The following FBXO15 variants were observed in gnomAD, a reference collection of about 807,000 sequenced individuals.
FBXO15 encodes F-box only protein 15.
Under a neutral mutation model 49.5 loss-of-function variants are expected in FBXO15, and 30 were observed. That is an observed-to-expected ratio of 0.61 (90% CI 0.45 to 0.82). The LOEUF (loss-of-function observed/expected upper bound fraction) is 0.82. FBXO15 is among the 40% of genes least tolerant of loss of function. The pLI, the probability that FBXO15 is intolerant of heterozygous loss-of-function variation, is 0.00. For synonymous variants in FBXO15, 250 were observed against 232.7 expected (o/e 1.07, Z -0.68); for missense variants, 591 against 631.5 (o/e 0.94, Z 0.69).
intron 4 of FBXO15, 43 bp downstream of exon 4, chr18:74,130,373 T>G: frequency 1.9e-6 from 3 of 1,610,350 alleles, no homozygotes; most frequent in Non-Finnish European, 2.5e-6. Flanking sequence ...TACACGATAC[T>G]TTGAGCTGAT....
chr18:74,139,745 T>A (rs1038780040), intron 2 of FBXO15, among the ~76,000 whole-genome samples: 4 of 152,206 alleles, frequency 2.6e-5, no homozygotes, highest in Admixed American at 2.6e-4. Flanking sequence ...CTTCTGAGCA[T>A]CAATTAAACA....
intron 8 of FBXO15, among the ~76,000 whole-genome samples, chr18:74,092,066 T>G (rs1271971643): frequency 1.3e-5 from 2 of 152,142 alleles, no homozygotes; most frequent in Non-Finnish European, 2.9e-5. Flanking sequence ...TTGGAGATTT[T>G]TTTCATTCTT....
intron 8 of FBXO15, 163 bp downstream of exon 8, chr18:74,123,205 A>G: frequency 1.4e-6 from 1 of 693,874 alleles, no homozygotes; most frequent in Non-Finnish European, 2.4e-6. Context: ...CGGTCCAGTG[A>G]GGACTTTCAC....
At chr18:74,107,158 T>C (rs1445770649) in intron 8 of FBXO15, among the ~76,000 whole-genome samples, 2 of 150,646 alleles carry the variant, frequency 1.3e-5, no homozygotes, top group African/African-American at 2.5e-5. Context: ...TTGAAAATAA[T>C]TAAATATATT....
chr18:74,136,942 T>A (rs1978762732), intron 2 of FBXO15, among the ~76,000 whole-genome samples: 1 of 152,224 alleles, frequency 6.6e-6, no homozygotes. Context: ...ATTGTTATGA[T>A]TTTAAATTTG....
intron 8 of FBXO15, among the ~76,000 whole-genome samples, chr18:74,116,605 C>A (rs1301960494): frequency 6.6e-6 from 1 of 152,202 alleles, no homozygotes; most frequent in Admixed American, 6.5e-5. Flanking sequence ...AGTAACCTGT[C>A]TGGACACTGC....
intron 2 of FBXO15, among the ~76,000 whole-genome samples, chr18:74,136,701 T>C (rs1978746592): frequency 6.6e-6 from 1 of 152,190 alleles, no homozygotes; most frequent in African/African-American, 2.4e-5. Context: ...CCTATTTCTA[T>C]GATCTCAGAA....
intron 8 of FBXO15, among the ~76,000 whole-genome samples, chr18:74,091,970 T>C (rs1021469821): frequency 1.3e-5 from 2 of 152,224 alleles, no homozygotes; most frequent in Non-Finnish European, 2.9e-5. Context: ...TATCATAAAA[T>C]ATGTTTTTCA....
At chr18:74,091,896 C>T (rs770156352) in intron 8 of FBXO15, among the ~76,000 whole-genome samples, 1 of 152,134 alleles carries the variant, frequency 6.6e-6, no homozygotes, top group African/African-American at 2.4e-5. Context: ...CACAAGGGTT[C>T]TCTGCACTTC....
At chr18:74,076,449 G>T (rs1247384615) in intron 9 of FBXO15, 1 of 152,336 alleles carries the variant, frequency 6.6e-6, no homozygotes, top group African/African-American at 2.4e-5. Context: ...CTGCTAGAAG[G>T]TGCCTCTAGG....
intron 8 of FBXO15, among the ~76,000 whole-genome samples, chr18:74,085,401 C>A (rs9948898): frequency 0.038 from 5,828 of 152,252 alleles, 370 homozygotes; most frequent in African/African-American, 0.13. Flanking sequence ...CGAGACCAGC[C>A]TGGCCAACAT....
chr18:74,086,772 A>G (rs917108484), intron 8 of FBXO15, among the ~76,000 whole-genome samples: 5 of 152,238 alleles, frequency 3.3e-5, no homozygotes, highest in African/African-American at 1.2e-4. Context: ...TCTATAGGAT[A>G]TAGAGCACAT....
At chr18:74,136,500 T>C (rs1243245538) in intron 2 of FBXO15, among the ~76,000 whole-genome samples, 1 of 152,150 alleles carries the variant, frequency 6.6e-6, no homozygotes, top group Non-Finnish European at 1.5e-5. Flanking sequence ...AAAAAGTAAG[T>C]ATAATGGGAA....
intron 8 of FBXO15, among the ~76,000 whole-genome samples, chr18:74,117,155 C>A (rs1914266985): frequency 6.8e-6 from 1 of 147,468 alleles, no homozygotes; most frequent in African/African-American, 2.7e-5. Flanking sequence ...CAAAGACACT[C>A]TGATGGCAAC....
At chr18:74,123,538 A>T in intron 7 of FBXO15, 28 bp from the exon 8 acceptor site, 1 of 1,578,206 alleles carries the variant, frequency 6.3e-7, no homozygotes, top group Non-Finnish European at 8.6e-7. Flanking sequence ...AGAAACATAC[A>T]AATTTGTCAA....
At chr18:74,117,186 A>G (rs889993129) in intron 8 of FBXO15, among the ~76,000 whole-genome samples, 3 of 152,210 alleles carry the variant, frequency 2.0e-5, no homozygotes, top group African/African-American at 7.2e-5. Context: ...GCTGACTCCT[A>G]GTAGTGCAAC....
chr18:74,126,497 C>T (rs1441706759), intron 5 of FBXO15, among the ~76,000 whole-genome samples: 3 of 152,192 alleles, frequency 2.0e-5, no homozygotes, highest in Non-Finnish European at 4.4e-5. Flanking sequence ...AGCAAAGATA[C>T]ACTATTTCAA....
At chr18:74,087,570 A>G (rs758756959) in intron 8 of FBXO15, among the ~76,000 whole-genome samples, 13 of 152,296 alleles carry the variant, frequency 8.5e-5, no homozygotes, top group Admixed American at 1.3e-4. Flanking sequence ...ATGGCTGCAT[A>G]ATATTGCATG....
At chr18:74,133,471 T>C (rs921590545) in intron 3 of FBXO15, among the ~76,000 whole-genome samples, 5 of 152,180 alleles carry the variant, frequency 3.3e-5, no homozygotes, top group African/African-American at 1.2e-4. Flanking sequence ...TTAAATAAAG[T>C]GGGAACCCTC....
Sources: gnomAD v4.1 joint callset for allele counts (sites outside exome capture counted in the v4.1 genomes callset) on GRCh38, gnomAD v4.1.1 for gene constraint, MANE v1.5 for transcripts, NCBI Gene and HGNC (gene_info 2026-07-23, HGNC 2026-07-21) for gene names.